DSE: variants seen among roughly 807,000 people sequenced by gnomAD.
DSE encodes dermatan-sulfate epimerase.
A neutral mutation model predicts 84.4 loss-of-function variants in DSE; 36 were observed. The ratio of observed to expected loss-of-function variants is 0.43; its 90% CI spans 0.33 to 0.56. The LOEUF (loss-of-function observed/expected upper bound fraction) is 0.56. Ranked by LOEUF, DSE falls within the 20% of genes least tolerant of loss-of-function variation. The probability of loss-of-function intolerance (pLI) is 0.06; values close to 1 mark genes in which losing one functional copy is unlikely to be tolerated. For synonymous variants in DSE, 410 were observed against 430.1 expected, an observed-to-expected ratio of 0.95 and a Z score of 0.58; for missense variants, 862 against 1,169.6, an observed-to-expected ratio of 0.74 and a Z score of 3.84.
At chr6:116,260,338 G>GT (rs1486971922) in intron 2 of DSE, among the ~76,000 whole-genome samples, 2 of 151,646 alleles carry the variant, frequency 1.3e-5, no homozygotes, top group East Asian at 1.9e-4. Flanking sequence ...AGAGTTCTTT[G>GT]TTTTTTCTTG....
intron 2 of DSE, among the ~76,000 whole-genome samples, chr6:116,299,452 T>C (rs1774857991): frequency 6.8e-6 from 1 of 146,826 alleles, no homozygotes; most frequent in South Asian, 2.1e-4. Context: ...AAAGGTATGG[T>C]GAACTAGAAA....
At chr6:116,312,575 A>C (rs1230218693) in intron 2 of DSE, among the ~76,000 whole-genome samples, 1 of 152,192 alleles carries the variant, frequency 6.6e-6, no homozygotes, top group Admixed American at 6.5e-5. Flanking sequence ...CTTAAGAAGA[A>C]ATTAATGGTT....
At chr6:116,331,055 T>C (rs1776904399) in intron 2 of DSE, among the ~76,000 whole-genome samples, 1 of 152,208 alleles carries the variant, frequency 6.6e-6, no homozygotes, top group African/African-American at 2.4e-5. Context: ...GAAAAGCAGT[T>C]GGTTAAAGTA....
chr6:116,270,393 G>C (rs1202802513), intron 2 of DSE, among the ~76,000 whole-genome samples: 1 of 152,130 alleles, frequency 6.6e-6, no homozygotes, highest in Admixed American at 6.5e-5. Flanking sequence ...TTGGAGTTTG[G>C]TGAAGAGGAT....
At chr6:116,327,130 A>C (rs1776670550) in intron 2 of DSE, among the ~76,000 whole-genome samples, 1 of 152,134 alleles carries the variant, frequency 6.6e-6, no homozygotes, top group Non-Finnish European at 1.5e-5. Context: ...GTAAAGAGAG[A>C]AAAAACAGGA....
chr6:116,349,008 A>G (rs1452935384), intron 2 of DSE, among the ~76,000 whole-genome samples: 1 of 152,116 alleles, frequency 6.6e-6, no homozygotes, highest in African/African-American at 2.4e-5. Context: ...TAGGAGATAT[A>G]CCTAATGTAA....
At chr6:116,337,148 A>G (rs959377386) in intron 2 of DSE, among the ~76,000 whole-genome samples, 1 of 152,230 alleles carries the variant, frequency 6.6e-6, no homozygotes, top group Non-Finnish European at 1.5e-5. Context: ...GCTGAATATC[A>G]CATAGCTGAT....
intron 2 of DSE, among the ~76,000 whole-genome samples, chr6:116,335,622 A>G (rs949101691): frequency 7.2e-5 from 11 of 152,240 alleles, no homozygotes; most frequent in Non-Finnish European, 1.0e-4. Flanking sequence ...ATTGGCTTTT[A>G]TTTGTGATTC....
Position 116,439,330 on chromosome 6 carries a change from C to G in DSE, c.*1985C>G, listed in dbSNP as rs772973018. 1 of 152,114 alleles carries G rather than the reference C, an allele frequency of 6.6e-6. No individual in the cohort carries two copies. Among genetic ancestry groups the G allele is most frequent in the Non-Finnish European group, 1.5e-5 (1 of 68,020 alleles). 9.4% of individuals were successfully genotyped at this position (152,114 alleles called of 1,614,324 possible). On this transcript the variant is annotated 3_prime_UTR_variant, in exon 6 of 6. Coordinates refer to ENST00000644252, the MANE Select transcript of DSE (RefSeq NM_013352.4). The stretch of plus-strand genomic sequence containing the variant: ...TTCATTAGGTTAAGGCTTGACAATA[C>G]GTTAGTCGCCACAGCATGATCCAGT...
chr6:116,305,096 G>A (rs972127672), intron 2 of DSE, among the ~76,000 whole-genome samples: 1 of 151,360 alleles, frequency 6.6e-6, no homozygotes, highest in Admixed American at 6.6e-5. Context: ...TGTAGTCCTT[G>A]TCACTCCACT....
chr6:116,273,237 A>T (rs1233982785), intron 2 of DSE, among the ~76,000 whole-genome samples: 1 of 152,178 alleles, frequency 6.6e-6, no homozygotes, highest in South Asian at 2.1e-4. Flanking sequence ...TACTTAAATG[A>T]CCCTTTCCTT....
At chr6:116,265,269 G>A (rs1024325360) in intron 2 of DSE, among the ~76,000 whole-genome samples, 5 of 152,110 alleles carry the variant, frequency 3.3e-5, no homozygotes, top group African/African-American at 1.2e-4. Flanking sequence ...AGGTCTGGGT[G>A]CCTTTTCTGT....
rs542049856 is a variant in DSE, at chr6:116,433,158, G to A, written c.911-185G>A. 8.4e-5 allele frequency: 52 copies of A among 619,946 alleles called. No individual in the cohort carries two copies. The African/African-American group carries it at 9.0e-4, about 11-fold the overall frequency. 38.4% of individuals were successfully genotyped at this position (619,946 alleles called of 1,614,324 possible). The stretch of plus-strand genomic sequence containing the variant: ...AAGCTTGCACACAACATATGTGGAA[G>A]ACCTTTTGAGGGATTCTGACTAACT... On this transcript the variant is annotated intron_variant, in intron 4 of 5. Transcript: ENST00000644252.
intron 2 of DSE, among the ~76,000 whole-genome samples, chr6:116,293,130 A>C (rs1774398210): frequency 6.6e-6 from 1 of 152,172 alleles, no homozygotes; most frequent in African/African-American, 2.4e-5. Context: ...TATATAATTA[A>C]CTACAGAATT....
intron 2 of DSE, among the ~76,000 whole-genome samples, chr6:116,405,470 C>T (rs537263673): frequency 1.0e-3 from 155 of 152,246 alleles, no homozygotes; most frequent in Non-Finnish European, 1.6e-3. Context: ...CTCTAATTCC[C>T]CTGGCTTTTT....
exon 2 of DSE, chr6:116,258,919 C>T (rs1772277774): frequency 6.4e-7 from 1 of 1,569,566 alleles, no homozygotes; most frequent in Non-Finnish European, 8.8e-7. Flanking sequence ...CACAATGGGA[C>T]ACTGAGCTTT....
chr6:116,311,051 G>T (rs941988368), intron 2 of DSE, among the ~76,000 whole-genome samples: 1 of 152,136 alleles, frequency 6.6e-6, no homozygotes, highest in Non-Finnish European at 1.5e-5. Flanking sequence ...CACACATGCT[G>T]CACTTCTGTC....
chr6:116,279,778 A>G (rs1460959034), intron 2 of DSE: 1 of 1,612,732 alleles, frequency 6.2e-7, no homozygotes, highest in Admixed American at 1.7e-5. Flanking sequence ...AGAAATAATG[A>G]TGCTGTGGGT....
At chr6:116,414,812 A>C (rs1307085966) in intron 2 of DSE, among the ~76,000 whole-genome samples, 1 of 152,030 alleles carries the variant, frequency 6.6e-6, no homozygotes, top group Non-Finnish European at 1.5e-5. Context: ...TTTCTCTTGG[A>C]TTCATAATAG....
Sources: allele counts gnomAD v4.1 joint callset (sites outside exome capture counted in the v4.1 genomes callset), GRCh38; gene constraint gnomAD v4.1.1; transcripts MANE v1.5; gene names NCBI Gene and HGNC (gene_info 2026-07-23, HGNC 2026-07-21).